KLHL1: variants seen among roughly 807,000 people sequenced by gnomAD.
KLHL1 encodes the protein kelch-like protein 1.
A neutral mutation model predicts 77.7 loss-of-function variants in KLHL1; 47 were observed. The observed-to-expected ratio is 0.60, with a 90% CI of 0.48 to 0.77. The LOEUF is 0.77. Among genes scored for constraint, KLHL1 ranks in the 30% least tolerant of loss-of-function variants. The pLI, the probability that KLHL1 is intolerant of heterozygous loss-of-function variation, is 0.00. For missense variants in KLHL1, 925 were observed against 910.8 expected, an observed-to-expected ratio of 1.02 and a Z score of -0.20; for synonymous variants, 360 against 325.2, an observed-to-expected ratio of 1.11 and a Z score of -1.15.
chr13:69,993,836 G>A (rs1885084470), intron 1 of KLHL1, among the ~76,000 whole-genome samples: 1 of 152,074 alleles, frequency 6.6e-6, no homozygotes, highest in African/African-American at 2.4e-5. Context: ...TTTGGTACTA[G>A]GGATGACCCC....
chr13:69,807,352 C>T (rs1011059365), intron 6 of KLHL1, among the ~76,000 whole-genome samples: 2 of 152,058 alleles, frequency 1.3e-5, no homozygotes, highest in African/African-American at 4.8e-5. Flanking sequence ...CAGCTGCTGC[C>T]TAGCCAAGAA....
At chr13:70,017,193 C>A (rs1247709676) in intron 1 of KLHL1, among the ~76,000 whole-genome samples, 1 of 152,196 alleles carries the variant, frequency 6.6e-6, no homozygotes, top group African/African-American at 2.4e-5. Context: ...GTTACACAAA[C>A]AGATCTGAAA....
chr13:70,004,765 T>C (rs1056608222), intron 1 of KLHL1, among the ~76,000 whole-genome samples: 5 of 151,834 alleles, frequency 3.3e-5, no homozygotes, highest in Non-Finnish European at 7.4e-5. Flanking sequence ...TTATATGAAA[T>C]TGAATGTCAT....
chr13:69,920,118 A>T lies in KLHL1; in HGVS notation c.1014+19922T>A, dbSNP rs1366476039. Among the ~76,000 whole-genome samples, 4 of 149,912 alleles carry T rather than the reference A, an allele frequency of 2.7e-5. No homozygotes were observed. The East Asian group carries it at 7.9e-4, about 30-fold the overall frequency. On this transcript the variant is annotated intron_variant, in intron 4 of 10. Coordinates refer to ENST00000377844, the MANE Select transcript of KLHL1 (RefSeq NM_020866.3). ...AATATTGTATTATTATAATTCTCTG[A>T]CTCAAATATAGATAAAATTTGTTTG...
chr13:69,755,239 T>A (rs992627623), intron 7 of KLHL1, among the ~76,000 whole-genome samples: 1 of 151,732 alleles, frequency 6.6e-6, no homozygotes, highest in African/African-American at 2.4e-5. Context: ...TCTCTCTTGA[T>A]CCCACTCTTG....
intron 4 of KLHL1, among the ~76,000 whole-genome samples, chr13:69,935,534 T>C (rs1297293286): frequency 6.6e-6 from 1 of 152,094 alleles, no homozygotes; most frequent in Non-Finnish European, 1.5e-5. Context: ...TACTGGCACA[T>C]AACATGGAGT....
chr13:69,983,576 C>CAAAAAAAAAAAAAAAAA (rs1282357751), intron 1 of KLHL1, among the ~76,000 whole-genome samples: 40 of 40,376 alleles, frequency 9.9e-4, no homozygotes, highest in African/African-American at 3.4e-3. Context: ...CCTATCTTTA[C>CAAAAAAAAAAAAAAAAA]AAAAAAAAAA....
Position 69,923,913 on chromosome 13 carries a change from C to T in KLHL1, c.1014+16127G>A, listed in dbSNP as rs112310236. On this transcript the variant is annotated intron_variant, in intron 4 of 10. Transcript: ENST00000377844. ...GCACTCTTGGGGGCCTGGGAAGCCC[C>T]ACCCTGCCACCACAGGCTTGAAAGT... is the stretch of plus-strand genomic sequence containing the variant. Among the ~76,000 whole-genome samples, 1,093 of 152,336 alleles carry T rather than the reference C, an allele frequency of 7.2e-3. 15 individuals are homozygous for T. Among genetic ancestry groups the T allele is most frequent in the African/African-American group, 0.025 (1,057 of 41,590 alleles).
chr13:69,860,647 AC>A (rs1880112879), intron 5 of KLHL1, among the ~76,000 whole-genome samples: 1 of 151,908 alleles, frequency 6.6e-6, no homozygotes, highest in South Asian at 2.1e-4. Context: ...ATTCCTCAAA[AC>A]ATTATATTAA....
At chr13:69,827,087 G>GATTTTGAAA (rs139754156) in intron 6 of KLHL1, among the ~76,000 whole-genome samples, 2,180 of 151,496 alleles carry the variant, frequency 0.014, 47 homozygotes, top group African/African-American at 0.049. Context: ...TGTTACGTTA[G>GATTTTGAAA]ATTTTGAAAA....
intron 10 of KLHL1, among the ~76,000 whole-genome samples, chr13:69,704,244 C>T (rs1210971561): frequency 6.6e-6 from 1 of 151,564 alleles, no homozygotes; most frequent in Non-Finnish European, 1.5e-5. Context: ...GTGAATGACA[C>T]CCCTCTCCAT....
intron 7 of KLHL1, among the ~76,000 whole-genome samples, chr13:69,750,506 ATG>A (rs1185459857): frequency 6.7e-6 from 1 of 150,160 alleles, no homozygotes; most frequent in African/African-American, 2.4e-5. Context: ...ATATACATGT[ATG>A]TGTGTATATA....
chr13:70,019,007 TACTC>T (rs1488157314), intron 1 of KLHL1, among the ~76,000 whole-genome samples: 1 of 151,796 alleles, frequency 6.6e-6, no homozygotes, highest in Non-Finnish European at 1.5e-5. Context: ...TCAAATTAAA[TACTC>T]ACTGTATTTT....
intron 1 of KLHL1, among the ~76,000 whole-genome samples, chr13:70,027,510 T>A (rs1168946540): frequency 6.6e-6 from 1 of 150,586 alleles, no homozygotes; most frequent in Non-Finnish European, 1.5e-5. Flanking sequence ...GGTAGTGTGA[T>A]GTGATTGCAT....
intron 6 of KLHL1, among the ~76,000 whole-genome samples, chr13:69,822,197 C>CA (rs35346749): frequency 0.27 from 21,207 of 77,946 alleles, 2,005 homozygotes; most frequent in Middle Eastern, 0.31. Context: ...GACTCCATCT[C>CA]AAAAAAAAAA....
intron 7 of KLHL1, among the ~76,000 whole-genome samples, chr13:69,746,685 G>A (rs558449842): frequency 6.6e-5 from 10 of 150,764 alleles, no homozygotes; most frequent in Non-Finnish European, 1.0e-4. Context: ...CCTTTTCCCC[G>A]TGTGTCACCT....
At chr13:69,747,325 T>A (rs537264167) in intron 7 of KLHL1, among the ~76,000 whole-genome samples, 1 of 152,186 alleles carries the variant, frequency 6.6e-6, no homozygotes, top group Non-Finnish European at 1.5e-5. Flanking sequence ...GTCATTGTTT[T>A]GGTTTTTGTT....
intron 1 of KLHL1, among the ~76,000 whole-genome samples, chr13:69,982,731 A>G (rs1377942399): frequency 6.6e-6 from 1 of 151,940 alleles, no homozygotes; most frequent in Non-Finnish European, 1.5e-5. Flanking sequence ...GAACACTACC[A>G]ACTATAATAG....
intron 8 of KLHL1, among the ~76,000 whole-genome samples, chr13:69,724,181 A>G (rs979927009): frequency 1.3e-5 from 2 of 151,920 alleles, no homozygotes; most frequent in Admixed American, 6.6e-5. Context: ...GAAGTCCCCA[A>G]TTTTGCCTTG....
Sources: allele counts gnomAD v4.1 joint callset (sites outside exome capture counted in the v4.1 genomes callset), GRCh38; gene constraint gnomAD v4.1.1; transcripts MANE v1.5; gene names NCBI Gene and HGNC (gene_info 2026-07-23, HGNC 2026-07-21).